Variants in SSH2 observed in about 807,000 individuals in gnomAD.
The protein encoded by SSH2 is slingshot protein phosphatase 2.
A neutral mutation model predicts 135.2 loss-of-function variants in SSH2; 37 were observed. That is an observed-to-expected ratio of 0.27 (90% CI 0.21 to 0.36). The LOEUF is 0.36. SSH2 is among the 10% of genes least tolerant of loss of function. SSH2 has a pLI of 1.00. For missense variants in SSH2, 1,408 were observed against 1,765.3 expected, an observed-to-expected ratio of 0.80 and a Z score of 3.63; for synonymous variants, 628 against 646.2, an observed-to-expected ratio of 0.97 and a Z score of 0.43.
chr17:29,831,162 A>ACCC, intron 2 of SSH2, among the ~76,000 whole-genome samples: 1 of 152,242 alleles, frequency 6.6e-6, no homozygotes, highest in African/African-American at 2.4e-5. Flanking sequence ...GACCCGGGTG[A>ACCC]GGGTCTGCTA....
intron 3 of SSH2, among the ~76,000 whole-genome samples, chr17:29,706,362 C>T (rs1023028544): frequency 2.6e-5 from 4 of 152,096 alleles, no homozygotes; most frequent in African/African-American, 9.7e-5. Flanking sequence ...CAAAAGAATC[C>T]ACAGATGTCA....
In SSH2 at chr17:29,628,427, A is replaced by C. The variant is rs1483525686; in HGVS notation, c.*2414T>G. On this transcript the variant is annotated 3_prime_UTR_variant, in exon 16 of 16. Coordinates refer to ENST00000540801, the MANE Select transcript of SSH2 (RefSeq NM_001282129.2). ...GGAGGGGAGAAGAGGGAACAGTCCA[A>C]AACTTTGGTCCTGCTTGTACCTCTT... 5 of 152,172 alleles carry C rather than the reference A, an allele frequency of 3.3e-5. No homozygotes were observed. The highest frequency in any genetic ancestry group is 7.3e-5 in the Non-Finnish European group (5 of 68,038). 9.4% of individuals were successfully genotyped at this position (152,172 alleles called of 1,614,324 possible).
chr17:29,749,800 C>T (rs1484432296), intron 3 of SSH2, among the ~76,000 whole-genome samples: 1 of 152,150 alleles, frequency 6.6e-6, no homozygotes, highest in Non-Finnish European at 1.5e-5. Flanking sequence ...GATCTCGGCT[C>T]ACTGCAATCT....
chr17:29,677,631 C>A, intron 7 of SSH2, 42 bp downstream of exon 7: 2 of 1,543,872 alleles, frequency 1.3e-6, no homozygotes, highest in Non-Finnish European at 1.8e-6. Context: ...GGAGCCCCAC[C>A]CCTTGGCTTT....
chr17:29,686,510 T>C (rs1191605402), intron 5 of SSH2, among the ~76,000 whole-genome samples: 4 of 150,896 alleles, frequency 2.7e-5, no homozygotes, highest in African/African-American at 9.8e-5. Flanking sequence ...TACAGGCACA[T>C]GCTGCCACGC....
At chr17:29,715,678 ACT>A (rs1032522096) in intron 3 of SSH2, among the ~76,000 whole-genome samples, 1 of 152,184 alleles carries the variant, frequency 6.6e-6, no homozygotes, top group Non-Finnish European at 1.5e-5. Context: ...CTGAGCAGTA[ACT>A]CTCTGTTTAG....
intron 3 of SSH2, among the ~76,000 whole-genome samples, chr17:29,770,979 T>C (rs931482478): frequency 1.3e-5 from 2 of 152,180 alleles, no homozygotes; most frequent in Admixed American, 6.5e-5. Flanking sequence ...GCTAGGATTA[T>C]CAGCTTTATT....
intron 3 of SSH2, among the ~76,000 whole-genome samples, chr17:29,787,294 A>G (rs1046460578): frequency 1.3e-5 from 2 of 152,196 alleles, no homozygotes; most frequent in African/African-American, 4.8e-5. Context: ...ACGTTGTGGC[A>G]TGTCAGAACT....
At chr17:29,693,381 G>A (rs1002503295) in intron 5 of SSH2, among the ~76,000 whole-genome samples, 9 of 151,694 alleles carry the variant, frequency 5.9e-5, no homozygotes, top group Non-Finnish European at 1.0e-4. Context: ...GCACAATCTC[G>A]GCTCACTGCA....
chr17:29,913,358 A>AAAAAAT (rs1567650109), intron 1 of SSH2, among the ~76,000 whole-genome samples: 9 of 80,250 alleles, frequency 1.1e-4, no homozygotes, highest in Non-Finnish European at 1.4e-4. Flanking sequence ...ATATATATAT[A>AAAAAAT]TATATATATA....
At chr17:29,697,108 A>T (rs1354633324) in intron 4 of SSH2, among the ~76,000 whole-genome samples, 3 of 152,312 alleles carry the variant, frequency 2.0e-5, no homozygotes, top group Non-Finnish European at 4.4e-5. Flanking sequence ...TTGTCAAACT[A>T]AGTTGAAATT....
intron 2 of SSH2, among the ~76,000 whole-genome samples, chr17:29,799,848 G>A (rs984878491): frequency 3.9e-5 from 6 of 152,262 alleles, no homozygotes; most frequent in Non-Finnish European, 8.8e-5. Flanking sequence ...CTTATTCAAG[G>A]TCATAAATGG....
intron 3 of SSH2, among the ~76,000 whole-genome samples, chr17:29,728,949 G>A (rs944516364): frequency 6.6e-6 from 1 of 152,090 alleles, no homozygotes; most frequent in Non-Finnish European, 1.5e-5. Context: ...ACCACTACAA[G>A]AAAACACTGG....
At position 29,632,560 on chromosome 17, in the gene SSH2, C is replaced by G; in HGVS notation, c.2634G>C (p.Gln878His). The G allele has an allele frequency of 6.2e-7, 1 of 1,614,232 alleles. No homozygotes were observed. Among genetic ancestry groups the G allele is most frequent in the South Asian group, 1.1e-5 (1 of 91,088 alleles). Residue 878 changes from glutamine to histidine, a missense_variant, in exon 16 of 16, where the codon CAG becomes CAC. This residue lies in a region of SSH2 where 1,080 missense variants were observed against 1,144.5 expected (regional missense o/e 0.94). Coordinates refer to ENST00000540801, the MANE Select transcript of SSH2 (RefSeq NM_001282129.2). ...TGGCACCTGGGTGCATCCCTGAGCC[C>G]TGGAGCTCTTGTTCCCCCTCAGCTG... ...GEPAEGEQELQGSGMHPGAKW... is the reference protein window; with the variant it reads ...GEPAEGEQELHGSGMHPGAKW...
At chr17:29,780,492 T>G (rs1435690082) in intron 3 of SSH2, 2 of 151,696 alleles carry the variant, frequency 1.3e-5, no homozygotes, top group East Asian at 3.9e-4. Context: ...GAGTGCGATC[T>G]TGGCTCACTG....
At chr17:29,761,705 T>C (rs895380813) in intron 3 of SSH2, among the ~76,000 whole-genome samples, 1 of 152,136 alleles carries the variant, frequency 6.6e-6, no homozygotes, top group Non-Finnish European at 1.5e-5. Flanking sequence ...TCTTAAAGAT[T>C]GGCTCTATAC....
rs1458586800 is a variant in SSH2, at chr17:29,648,224, C to T, written c.1347G>A (p.Val449=). The part of the protein sequence containing the change: ...GWNLDRAYDY[V]KERRTVTKPN... ...GCTTGGTTACCGTTCGTCTTTCTTT[C>T]ACATAGTCATAGGCTCGGTCCAGAT... is the stretch of plus-strand genomic sequence containing the variant. Residue 449 remains valine (V), a synonymous_variant, in exon 14 of 16, where the codon GTG becomes GTA. Coordinates refer to ENST00000540801, the MANE Select transcript of SSH2 (RefSeq NM_001282129.2). The T allele has an allele frequency of 7.4e-6, 12 of 1,614,074 alleles. No individual in the cohort carries two copies. The highest frequency in any genetic ancestry group is 1.7e-5 in the Admixed American group (1 of 60,000).
chr17:29,668,695 C>T (rs747965646), intron 9 of SSH2, among the ~76,000 whole-genome samples: 5 of 152,042 alleles, frequency 3.3e-5, no homozygotes, highest in African/African-American at 1.2e-4. Flanking sequence ...CCTGATTGTA[C>T]CACTGCACTC....
At chr17:29,667,262 T>A (rs749296866) in intron 9 of SSH2, 39 bp from the exon 10 acceptor site, 14 of 1,281,390 alleles carry the variant, frequency 1.1e-5, no homozygotes, top group Non-Finnish European at 1.6e-5. Context: ...TAAACGATAT[T>A]CTTAATAACG....
Sources: gnomAD v4.1 joint callset for allele counts (sites outside exome capture counted in the v4.1 genomes callset) on GRCh38, gnomAD v4.1.1 for gene constraint, gnomAD v4.1.1 regional missense constraint, MANE v1.5 for transcripts, NCBI Gene and HGNC (gene_info 2026-07-23, HGNC 2026-07-21) for gene names.